Variants in MTCH2 observed in about 807,000 individuals in gnomAD.
MTCH2 encodes mitochondrial carrier homolog 2.
MTCH2 carries 25 observed loss-of-function variants against 50.6 expected under a neutral mutation model. The ratio of observed to expected loss-of-function variants is 0.49; its 90% CI spans 0.36 to 0.69. The LOEUF (loss-of-function observed/expected upper bound fraction) is 0.69, where lower values mean the gene tolerates loss of function less well. Ranked by LOEUF, MTCH2 falls within the 30% of genes least tolerant of loss-of-function variation. The pLI is 0.00. For missense variants in MTCH2, 273 were observed against 384.4 expected, an observed-to-expected ratio of 0.71 and a Z score of 2.42; for synonymous variants, 106 against 132.0, an observed-to-expected ratio of 0.80 and a Z score of 1.35.
At chr11:47,609,457 CAAAAAAAA>C in the MTCH2 span, among the ~76,000 whole-genome samples, 2 of 40,122 alleles carry the variant, frequency 5.0e-5, no homozygotes, top group Non-Finnish European at 8.7e-5. Context: ...GATTCTGTAT[CAAAAAAAA>C]AAAAAAAAAA....
chr11:47,639,815 G>A (rs1014060718), intron 1 of MTCH2, among the ~76,000 whole-genome samples: 1 of 152,000 alleles, frequency 6.6e-6, no homozygotes, highest in African/African-American at 2.4e-5. Flanking sequence ...TCCAGCCGAG[G>A]CCGACAACAG....
At chr11:47,625,888 G>A in intron 10 of MTCH2, 147 bp from the exon 11 acceptor site, 1 of 561,030 alleles carries the variant, frequency 1.8e-6, no homozygotes, top group East Asian at 3.0e-5. Flanking sequence ...AACAGTTACA[G>A]TTTTGAGCCT....
chr11:47,633,522 A>AT (rs2097305359), intron 5 of MTCH2, among the ~76,000 whole-genome samples: 1 of 26,520 alleles, frequency 3.8e-5, no homozygotes, highest in Non-Finnish European at 7.3e-5. Context: ...ATATATATAT[A>AT]TATATTTTTT....
rs148119486 is a variant in MTCH2 at position 47,626,273 on chromosome 11, C to T, written c.682-532G>A. The stretch of plus-strand genomic sequence containing the variant: ...ATTGGCCAAGGTGGTGTCGAACTCC[C>T]GACCTCAGCCTCCCAAAGTGCTGGG... On this transcript the variant is annotated intron_variant, in intron 10 of 12. Coordinates refer to ENST00000302503, the MANE Select transcript of MTCH2 (RefSeq NM_014342.4). Among the ~76,000 whole-genome samples the T allele has an allele frequency of 1.9e-3, 288 of 151,660 alleles. 1 individual carries two copies. Among genetic ancestry groups the T allele is most frequent in the Middle Eastern group, 0.014 (4 of 286 alleles).
chr11:47,627,065 T>A lies in MTCH2; in HGVS notation c.681+15A>T. ...AACTATTCCTAGAAGGTTAAAAGGA[T>A]TTTAAAAAACTCACTCCTGTGACAG... On this transcript the variant is annotated intron_variant, in intron 10 of 12. Transcript: ENST00000302503. 1 of 1,571,556 alleles carries A rather than the reference T, an allele frequency of 6.4e-7. No individual in the cohort carries two copies. The highest frequency in any genetic ancestry group is 8.7e-7 in the Non-Finnish European group (1 of 1,151,098).
chr11:47,626,601 C>G (rs754546202), intron 10 of MTCH2, among the ~76,000 whole-genome samples: 8 of 151,828 alleles, frequency 5.3e-5, no homozygotes, highest in Non-Finnish European at 1.0e-4. Context: ...GTGGTTCCTT[C>G]GAAAACTGAG....
chr11:47,621,386 A>G (rs2097293050), intron 12 of MTCH2, among the ~76,000 whole-genome samples: 1 of 151,674 alleles, frequency 6.6e-6, no homozygotes, highest in South Asian at 2.1e-4. Context: ...ATTTTAAGTG[A>G]TCCTGTGCTA....
At chr11:47,609,124 CAA>C in the MTCH2 span, among the ~76,000 whole-genome samples, 2 of 89,910 alleles carry the variant, frequency 2.2e-5, no homozygotes, top group Non-Finnish European at 2.1e-5. Context: ...AACTCTGTCT[CAA>C]AAAAAAAAAA....
At chr11:47,640,411 T>C (rs2097312964) in intron 1 of MTCH2, among the ~76,000 whole-genome samples, 1 of 152,182 alleles carries the variant, frequency 6.6e-6, no homozygotes, top group South Asian at 2.1e-4. Flanking sequence ...TTTATTTTTA[T>C]TTAGTTACTT....
Position 47,628,871 on chromosome 11 carries a change from C to A in MTCH2, c.633+82G>T. On this transcript the variant is annotated intron_variant, in intron 9 of 12. Transcript: ENST00000302503. ...GGGATTACAGGTGTGAGCCACCTCG[C>A]CCGGCCCATCTTACTTTAAAAGCTA... The A allele has an allele frequency of 7.0e-6, 9 of 1,293,246 alleles. No individual in the cohort carries two copies. In the South Asian group the frequency reaches 1.0e-4, roughly 14 times the overall value. 80.1% of individuals were successfully genotyped at this position (1,293,246 alleles called of 1,614,324 possible).
intron 12 of MTCH2, among the ~76,000 whole-genome samples, chr11:47,620,447 C>T (rs1272875480): frequency 6.6e-6 from 1 of 152,034 alleles, no homozygotes; most frequent in Non-Finnish European, 1.5e-5. Context: ...TGCCACTGCA[C>T]TCCAGCCTGG....
chr11:47,606,508 G>C, the MTCH2 span, among the ~76,000 whole-genome samples: 1 of 152,120 alleles, frequency 6.6e-6, no homozygotes, highest in Admixed American at 6.6e-5. Flanking sequence ...AGCCACACTG[G>C]TTTCTTTGGC....
At chr11:47,624,213 C>CA (rs2097295933) in intron 11 of MTCH2, among the ~76,000 whole-genome samples, 1 of 141,308 alleles carries the variant, frequency 7.1e-6, no homozygotes, top group Non-Finnish European at 1.5e-5. Flanking sequence ...GCCTGGGCAA[C>CA]AGAGTGAGAC....
Position 47,630,600 on chromosome 11 carries a change from G to T in MTCH2, c.494C>A (p.Ser165Tyr). 1 of 1,612,092 alleles carries T rather than the reference G, an allele frequency of 6.2e-7. No homozygotes were observed. Among genetic ancestry groups the T allele is most frequent in the Non-Finnish European group, 8.5e-7 (1 of 1,178,264 alleles). Residue 165 changes from serine to tyrosine, a missense_variant, in exon 8 of 13, where the codon TCC (serine) becomes TAC (tyrosine). Ser to Tyr is a moderately radical substitution (Grantham distance 144). Transcript: ENST00000302503. The part of the protein sequence containing the change: ...RESKYCGLCD[S>Y]IITIYREEGI... Reference sequence around the variant, plus strand: ...CTCTTCCCGATAGATGGTTATTATGGAATCACAAAGTCCACTACGTACACA... The same window carrying T: ...CTCTTCCCGATAGATGGTTATTATGTAATCACAAAGTCCACTACGTACACA...
chr11:47,615,297 T>C (rs1307454779), downstream of MTCH2, among the ~76,000 whole-genome samples: 2 of 152,132 alleles, frequency 1.3e-5, no homozygotes, highest in Admixed American at 6.5e-5. Flanking sequence ...TATATATTTT[T>C]CCCCCACAGA....
chr11:47,621,144 T>C (rs2153798386), intron 12 of MTCH2, among the ~76,000 whole-genome samples: 1 of 152,340 alleles, frequency 6.6e-6, no homozygotes, highest in South Asian at 2.1e-4. Context: ...AGTAGGTCTG[T>C]ACTGAAATCA....
At position 47,627,987 on chromosome 11, in the gene MTCH2, C is replaced by T. The variant is rs571380775; in HGVS notation, c.634-860G>A. Among the ~76,000 whole-genome samples, 4 of 152,028 alleles carry T rather than the reference C, an allele frequency of 2.6e-5. No individual in the cohort carries two copies. The South Asian group carries it at 6.2e-4, about 24-fold the overall frequency. On this transcript the variant is annotated intron_variant, in intron 9 of 12. Coordinates refer to ENST00000302503, the MANE Select transcript of MTCH2 (RefSeq NM_014342.4). ...TTTCACACATCCTAGAAATACAGTC[C>T]CTGGAAAACCACATTTATAGTATAT...
chr11:47,606,653 C>T, the MTCH2 span, among the ~76,000 whole-genome samples: 1 of 152,204 alleles, frequency 6.6e-6, no homozygotes, highest in Admixed American at 6.5e-5. Context: ...CTTTTCAAAT[C>T]ATTTTTCTGG....
chr11:47,625,325 A>C (rs2097296957), intron 11 of MTCH2, among the ~76,000 whole-genome samples: 1 of 151,324 alleles, frequency 6.6e-6, no homozygotes, highest in Non-Finnish European at 1.5e-5. Flanking sequence ...CAGGAGGCTG[A>C]GGCGGGACAA....
Sources: gnomAD v4.1 joint callset for allele counts (sites outside exome capture counted in the v4.1 genomes callset) on GRCh38, gnomAD v4.1.1 for gene constraint, MANE v1.5 for transcripts, NCBI Gene and HGNC (gene_info 2026-07-23, HGNC 2026-07-21) for gene names.